The following WDPCP variants were observed in gnomAD, a reference collection of about 807,000 sequenced individuals.
The protein encoded by WDPCP is WD repeat containing planar cell polarity effector.
A neutral mutation model predicts 93.1 loss-of-function variants in WDPCP; 71 were observed. The ratio of observed to expected loss-of-function variants is 0.76; its 90% CI spans 0.63 to 0.93. WDPCP has a LOEUF of 0.93. Among genes scored for constraint, WDPCP ranks in the 40% least tolerant of loss-of-function variants. WDPCP has a pLI of 0.00. For missense variants in WDPCP, 844 were observed against 887.4 expected (o/e 0.95, Z 0.62); for synonymous variants, 315 against 315.0 (o/e 1.00, Z 0.00).
intron 17 of WDPCP, among the ~76,000 whole-genome samples, chr2:63,142,692 T>C (rs1671163930): frequency 2.6e-5 from 4 of 152,166 alleles, no homozygotes; most frequent in Admixed American, 2.0e-4. Context: ...AGTTTCTGTC[T>C]TGATGTCCTG....
chr2:63,241,077 T>C (rs1304969104), intron 14 of WDPCP, among the ~76,000 whole-genome samples: 4 of 152,234 alleles, frequency 2.6e-5, no homozygotes, highest in Non-Finnish European at 4.4e-5. Flanking sequence ...CATTCTGTGA[T>C]TGACATTATG....
At chr2:63,462,586 C>A (rs1472222883) in intron 6 of WDPCP, among the ~76,000 whole-genome samples, 1 of 152,028 alleles carries the variant, frequency 6.6e-6, no homozygotes, top group Admixed American at 6.6e-5. Context: ...ACGGAATAGA[C>A]AGAGTGGTTA....
chr2:63,735,759 G>A (rs1207399296), intron 2 of WDPCP, among the ~76,000 whole-genome samples: 2 of 152,118 alleles, frequency 1.3e-5, no homozygotes, highest in African/African-American at 2.4e-5. Context: ...AATCAGAATC[G>A]AATAAATGTT....
chr2:63,348,566 T>C (rs977910618), intron 12 of WDPCP, among the ~76,000 whole-genome samples: 13 of 152,196 alleles, frequency 8.5e-5, no homozygotes, highest in African/African-American at 3.1e-4. Flanking sequence ...AGACTGACTC[T>C]ATTACCATAT....
At chr2:63,748,091 A>T (rs1669825561) in intron 2 of WDPCP, among the ~76,000 whole-genome samples, 1 of 151,954 alleles carries the variant, frequency 6.6e-6, no homozygotes, top group South Asian at 2.1e-4. Context: ...ATAGAGTTTT[A>T]TATTGAGTTG....
intron 7 of WDPCP, among the ~76,000 whole-genome samples, chr2:63,438,503 G>C (rs1020457827): frequency 6.6e-6 from 1 of 152,034 alleles, no homozygotes; most frequent in Non-Finnish European, 1.5e-5. Context: ...TCATTGAGGA[G>C]CATCAATATA....
At chr2:63,169,951 G>A (rs1041665175) in intron 15 of WDPCP, among the ~76,000 whole-genome samples, 10 of 151,288 alleles carry the variant, frequency 6.6e-5, no homozygotes, top group Non-Finnish European at 1.5e-4. Flanking sequence ...GAGTGCAGTG[G>A]CATAATCAGG....
At chr2:63,835,846 C>G in the WDPCP span, among the ~76,000 whole-genome samples, 1 of 152,084 alleles carries the variant, frequency 6.6e-6, no homozygotes, top group East Asian at 1.9e-4. Context: ...TCCTGAGAAT[C>G]TTCTCTTTAT....
intron 17 of WDPCP, among the ~76,000 whole-genome samples, chr2:63,150,092 G>A (rs926013578): frequency 9.9e-5 from 15 of 152,156 alleles, no homozygotes; most frequent in African/African-American, 3.1e-4. Flanking sequence ...ATTTAAGACT[G>A]AGAGTAGATG....
chr2:63,673,917 G>A (rs973729912), intron 2 of WDPCP, among the ~76,000 whole-genome samples: 1 of 152,204 alleles, frequency 6.6e-6, no homozygotes, highest in Non-Finnish European at 1.5e-5. Flanking sequence ...TCCAGTTCCA[G>A]TTGCTGTGGA....
chr2:63,453,351 C>T (rs1167643101), intron 6 of WDPCP, among the ~76,000 whole-genome samples: 1 of 152,220 alleles, frequency 6.6e-6, no homozygotes, highest in Non-Finnish European at 1.5e-5. Flanking sequence ...AAATGCTCAT[C>T]ATCACTGGCC....
intron 3 of WDPCP, among the ~76,000 whole-genome samples, chr2:63,609,169 C>G (rs1386676936): frequency 6.6e-6 from 1 of 152,132 alleles, no homozygotes; most frequent in Non-Finnish European, 1.5e-5. Context: ...GAGTTCAAGA[C>G]TAGCCTGGCC....
In WDPCP at chr2:63,119,899, C is replaced by A. The variant is rs191828327; in HGVS notation, c.*2107G>T. Among the ~76,000 whole-genome samples the A allele has an allele frequency of 6.6e-6, 1 of 152,248 alleles. No individual in the cohort carries two copies. The highest frequency in any genetic ancestry group is 6.5e-5 in the Admixed American group (1 of 15,292). Reference sequence around the variant, plus strand: ...ATCATGGACATTATCAAAGATCATTCATAATATATTCTTACTATCTAAACT... The same window carrying A: ...ATCATGGACATTATCAAAGATCATTAATAATATATTCTTACTATCTAAACT... On this transcript the variant is annotated 3_prime_UTR_variant, in exon 18 of 18. Transcript: ENST00000272321.
chr2:63,404,392 T>C lies in WDPCP; in HGVS notation c.1091A>G (p.Tyr364Cys). 2 of 1,614,196 alleles carry C rather than the reference T, an allele frequency of 1.2e-6. No homozygotes were observed. The highest frequency in any genetic ancestry group is 1.7e-6 in the Non-Finnish European group (2 of 1,180,010). The change falls in exon 10 of 18, where the codon TAT (tyrosine) becomes TGT (cysteine). Residue 364 changes from tyrosine to cysteine, a missense_variant. Tyr to Cys is a radical substitution (Grantham distance 194). Coordinates refer to ENST00000272321, the MANE Select transcript of WDPCP (RefSeq NM_015910.7). The part of the protein sequence containing the change: ...LGCEDSSLIL[Y>C]ETHRRVTLLA... ...GAGAGTCACTCTACGGTGAGTTTCA[T>C]AAAGAATTAGCGAAGAATCTTCACA...
intron 2 of WDPCP, among the ~76,000 whole-genome samples, chr2:63,759,622 G>A (rs1575766345): frequency 6.6e-6 from 1 of 152,162 alleles, no homozygotes; most frequent in African/African-American, 2.4e-5. Flanking sequence ...TGCAGACTTG[G>A]TGTGAATGGA....
intron 1 of WDPCP, among the ~76,000 whole-genome samples, chr2:63,575,666 T>C (rs1007105890): frequency 2.0e-5 from 3 of 149,886 alleles, no homozygotes; most frequent in Non-Finnish European, 4.5e-5. Flanking sequence ...TAAATATATC[T>C]TATTTACTAT....
chr2:63,519,928 A>G (rs2106153237), intron 1 of WDPCP, among the ~76,000 whole-genome samples: 1 of 152,314 alleles, frequency 6.6e-6, no homozygotes, highest in African/African-American at 2.4e-5. Flanking sequence ...ATGGATAGGA[A>G]TAAAGATTAT....
chr2:63,559,403 G>C (rs972622663), intron 1 of WDPCP, among the ~76,000 whole-genome samples: 1 of 152,134 alleles, frequency 6.6e-6, no homozygotes, highest in Non-Finnish European at 1.5e-5. Flanking sequence ...ATTCAACATA[G>C]TATTGGAATT....
chr2:63,363,999 C>G (rs1187659671), intron 12 of WDPCP, among the ~76,000 whole-genome samples: 1 of 152,106 alleles, frequency 6.6e-6, no homozygotes, highest in Non-Finnish European at 1.5e-5. Flanking sequence ...ATGATCATGC[C>G]TGTGAATAGC....
Sources: allele counts gnomAD v4.1 joint callset (sites outside exome capture counted in the v4.1 genomes callset), GRCh38; gene constraint gnomAD v4.1.1; transcripts MANE v1.5; gene names NCBI Gene and HGNC (gene_info 2026-07-23, HGNC 2026-07-21).